The following BTG4 variants were observed in gnomAD, a reference collection of about 807,000 sequenced individuals.
BTG4 encodes BTG anti-proliferation factor 4, also known as protein BTG4.
Under a neutral mutation model 19.3 loss-of-function variants are expected in BTG4, and 10 were observed. The observed-to-expected ratio is 0.52, with a 90% CI of 0.32 to 0.88. The LOEUF is 0.88. BTG4 is among the 40% of genes least tolerant of loss of function. BTG4 has a pLI of 0.04. For missense variants in BTG4, 238 were observed against 281.9 expected, an observed-to-expected ratio of 0.84 and a Z score of 1.11; for synonymous variants, 91 against 95.7, an observed-to-expected ratio of 0.95 and a Z score of 0.29.
intron 1 of BTG4, among the ~76,000 whole-genome samples, chr11:111,500,041 C>T (rs1486298356): frequency 6.6e-6 from 1 of 151,900 alleles, no homozygotes; most frequent in East Asian, 1.9e-4. Context: ...ACTCAGGAGG[C>T]TGAGGCAGGA....
At chr11:111,505,176 A>G (rs74399582) in intron 1 of BTG4, among the ~76,000 whole-genome samples, 43 of 152,234 alleles carry the variant, frequency 2.8e-4, no homozygotes, top group African/African-American at 9.9e-4. Context: ...CCAAGCAAAA[A>G]GAACAGAGTC....
At chr11:111,388,987 T>G in the BTG4 span, among the ~76,000 whole-genome samples, 1 of 152,238 alleles carries the variant, frequency 6.6e-6, no homozygotes, top group Non-Finnish European at 1.5e-5. Flanking sequence ...TTTCACCAGG[T>G]GTATTTCATG....
the BTG4 span, among the ~76,000 whole-genome samples, chr11:111,447,222 C>G: frequency 6.6e-6 from 1 of 152,226 alleles, no homozygotes; most frequent in African/African-American, 2.4e-5. Context: ...ATGTGGTTAT[C>G]CAAGGATTCA....
chr11:111,405,398 C>T, the BTG4 span, among the ~76,000 whole-genome samples: 4 of 42,832 alleles, frequency 9.3e-5, no homozygotes, highest in Non-Finnish European at 1.6e-4. Context: ...GAGCAAGACT[C>T]CGTCTCAAAA....
the BTG4 span, among the ~76,000 whole-genome samples, chr11:111,454,078 A>G: frequency 6.6e-6 from 1 of 152,142 alleles, no homozygotes; most frequent in South Asian, 2.1e-4. Flanking sequence ...CAAATTCCTC[A>G]GTAGCACTGA....
the BTG4 span, among the ~76,000 whole-genome samples, chr11:111,413,860 G>C: frequency 6.6e-6 from 1 of 152,172 alleles, no homozygotes; most frequent in Non-Finnish European, 1.5e-5. Context: ...AGCCTTCCGG[G>C]AACATGGCAA....
the BTG4 span, among the ~76,000 whole-genome samples, chr11:111,435,647 G>A: frequency 7.2e-5 from 11 of 152,168 alleles, no homozygotes; most frequent in Admixed American, 6.5e-4. Flanking sequence ...GTGGACACTC[G>A]TGCCCACTGC....
chr11:111,462,521 C>T, the BTG4 span: 3 of 152,760 alleles, frequency 2.0e-5, no homozygotes, highest in Non-Finnish European at 4.4e-5. Context: ...TGGGGAGCCC[C>T]TCCTGCCCTC....
intron 5 of BTG4, among the ~76,000 whole-genome samples, chr11:111,476,052 T>A (rs569615300): frequency 2.0e-5 from 3 of 151,596 alleles, no homozygotes; most frequent in Admixed American, 6.6e-5. Flanking sequence ...TCTTAACACA[T>A]AGGGATTACT....
At chr11:111,385,125 T>A in the BTG4 span, 1 of 152,156 alleles carries the variant, frequency 6.6e-6, no homozygotes, top group African/African-American at 2.4e-5. Context: ...GTTAAACTTT[T>A]AAACATTCTG....
the BTG4 span, among the ~76,000 whole-genome samples, chr11:111,428,321 G>A: frequency 4.0e-5 from 6 of 148,820 alleles, no homozygotes; most frequent in African/African-American, 1.3e-4. Context: ...CTATGATGAC[G>A]TCACAAAGAA....
the BTG4 span, among the ~76,000 whole-genome samples, chr11:111,405,610 T>TA: frequency 1.3e-5 from 2 of 151,926 alleles, no homozygotes; most frequent in Non-Finnish European, 2.9e-5. Context: ...GTATGAACAA[T>TA]AACCCAATGT....
the BTG4 span, chr11:111,384,740 A>G: frequency 2.6e-5 from 4 of 152,302 alleles, no homozygotes; most frequent in Admixed American, 2.6e-4. Flanking sequence ...AAGGTAATCA[A>G]ATACTGGGTA....
At chr11:111,444,420 G>A in the BTG4 span, among the ~76,000 whole-genome samples, 2 of 152,110 alleles carry the variant, frequency 1.3e-5, no homozygotes, top group Non-Finnish European at 2.9e-5. Context: ...CATGGACATA[G>A]AGAGTAGAAG....
the BTG4 span, among the ~76,000 whole-genome samples, chr11:111,424,822 G>A: frequency 2.0e-5 from 3 of 152,190 alleles, no homozygotes; most frequent in Non-Finnish European, 4.4e-5. Flanking sequence ...GCCAGGCGTG[G>A]TGGCAGGTGC....
chr11:111,482,322 G>A (rs1864790464), intron 5 of BTG4, among the ~76,000 whole-genome samples: 2 of 151,986 alleles, frequency 1.3e-5, no homozygotes, highest in Admixed American at 6.6e-5. Flanking sequence ...TAAATAAATG[G>A]AGAAACATAT....
the BTG4 span, among the ~76,000 whole-genome samples, chr11:111,401,722 A>G: frequency 6.6e-6 from 1 of 152,334 alleles, no homozygotes; most frequent in East Asian, 1.9e-4. Context: ...ACTTAAATTA[A>G]ACGTCAACAA....
At chr11:111,411,699 T>C in the BTG4 span, among the ~76,000 whole-genome samples, 6 of 152,244 alleles carry the variant, frequency 3.9e-5, no homozygotes, top group Admixed American at 2.0e-4. Flanking sequence ...CCGTTGCTGC[T>C]GGCCCATGGA....
chr11:111,396,732 T>A, the BTG4 span: 2 of 152,260 alleles, frequency 1.3e-5, no homozygotes, highest in Non-Finnish European at 2.9e-5. Flanking sequence ...CCTTTTACAG[T>A]GTTTATGATT....
Sources: gnomAD v4.1 joint callset for allele counts (sites outside exome capture counted in the v4.1 genomes callset) on GRCh38, gnomAD v4.1.1 for gene constraint, MANE v1.5 for transcripts, NCBI Gene and HGNC (gene_info 2026-07-23, HGNC 2026-07-21) for gene names.